Variants in RSPRY1 observed in about 807,000 individuals in gnomAD.
The protein encoded by RSPRY1 is RING finger and SPRY domain-containing protein 1.
Under a neutral mutation model 73.1 loss-of-function variants are expected in RSPRY1, and 23 were observed. The ratio of observed to expected loss-of-function variants is 0.31; its 90% CI spans 0.23 to 0.45. RSPRY1 has a LOEUF of 0.45. Among genes scored for constraint, RSPRY1 ranks in the 20% least tolerant of loss-of-function variants. The pLI is 1.00. For missense variants in RSPRY1, 448 were observed against 698.7 expected, an observed-to-expected ratio of 0.64 and a Z score of 4.05; for synonymous variants, 226 against 251.4, an observed-to-expected ratio of 0.90 and a Z score of 0.95.
chr16:57,200,050 C>T (rs564030527), intron 1 of RSPRY1, among the ~76,000 whole-genome samples: 21 of 146,842 alleles, frequency 1.4e-4, no homozygotes, highest in Non-Finnish European at 2.7e-4. Flanking sequence ...GAGGACCCTG[C>T]GGCCTTCCAC....
At chr16:57,224,009 T>G (rs1182532006) in intron 10 of RSPRY1, among the ~76,000 whole-genome samples, 1 of 152,196 alleles carries the variant, frequency 6.6e-6, no homozygotes, top group Non-Finnish European at 1.5e-5. Context: ...CTTCCCCTGT[T>G]GAAGCATCTG....
At chr16:57,224,724 A>G (rs1338823146) in intron 10 of RSPRY1, among the ~76,000 whole-genome samples, 2 of 152,216 alleles carry the variant, frequency 1.3e-5, no homozygotes, top group African/African-American at 4.8e-5. Flanking sequence ...AAATCTGTAG[A>G]TGCTGCTCTG....
intron 1 of RSPRY1, among the ~76,000 whole-genome samples, chr16:57,193,495 T>A (rs2074385528): frequency 6.6e-6 from 1 of 151,004 alleles, no homozygotes; most frequent in African/African-American, 2.4e-5. Flanking sequence ...TGCAGGCTTT[T>A]TTTTTTTTTT....
At chr16:57,190,256 C>G (rs2074330870) in intron 1 of RSPRY1, among the ~76,000 whole-genome samples, 1 of 152,124 alleles carries the variant, frequency 6.6e-6, no homozygotes, top group African/African-American at 2.4e-5. Flanking sequence ...ATAGTCCCAG[C>G]TACTTGGGAG....
chr16:57,209,169 A>C lies in RSPRY1; in HGVS notation c.498A>C (p.Glu166Asp). The C allele has an allele frequency of 6.2e-7, 1 of 1,606,466 alleles. No individual in the cohort carries two copies. The highest frequency in any genetic ancestry group is 1.1e-5 in the South Asian group (1 of 90,598). Reference sequence around the variant, plus strand: ...CTGTTATAACATTGTTACTAGATGAATGTCCATTGCCCACTAAAGTAAGTT... The same window carrying C: ...CTGTTATAACATTGTTACTAGATGACTGTCCATTGCCCACTAAAGTAAGTT... ...GPAVITLLLD[E>D]CPLPTKDALQ... Residue 166 changes from glutamate to aspartate, a missense_variant, in exon 4 of 15, where the codon GAA (glutamate) becomes GAC (aspartate). Transcript: ENST00000394420.
intron 1 of RSPRY1, chr16:57,187,158 C>CCA (rs1314326059): frequency 3.3e-5 from 5 of 152,116 alleles, no homozygotes; most frequent in Non-Finnish European, 7.3e-5. Flanking sequence ...GGAATTATTC[C>CCA]CTCTCTCTGT....
chr16:57,236,126 GAGGGTTTAGTTATC>G (rs1204292536), intron 14 of RSPRY1, among the ~76,000 whole-genome samples: 1 of 152,176 alleles, frequency 6.6e-6, no homozygotes, highest in East Asian at 1.9e-4. Flanking sequence ...AGCATATTTG[GAGGGTTTAGTTATC>G]AGGGCCTCAC....
At chr16:57,212,681 C>T (rs1348518120) in intron 4 of RSPRY1, among the ~76,000 whole-genome samples, 1 of 152,098 alleles carries the variant, frequency 6.6e-6, no homozygotes, top group Non-Finnish European at 1.5e-5. Flanking sequence ...GTGGCACGAT[C>T]TCGGCTCACT....
At chr16:57,230,683 C>T in intron 11 of RSPRY1, 28 bp from the exon 12 acceptor site, 1 of 1,255,776 alleles carries the variant, frequency 8.0e-7, no homozygotes, top group Non-Finnish European at 1.2e-6. Context: ...ACATCATTAT[C>T]CTAACAGTGT....
intron 11 of RSPRY1, among the ~76,000 whole-genome samples, chr16:57,229,519 T>C (rs562913695): frequency 5.2e-4 from 79 of 151,872 alleles, no homozygotes; most frequent in Non-Finnish European, 9.1e-4. Context: ...CTCAGGAGGC[T>C]GAAGCAGGAG....
chr16:57,226,311 T>G (rs2146346511), intron 10 of RSPRY1, among the ~76,000 whole-genome samples: 1 of 152,340 alleles, frequency 6.6e-6, no homozygotes, highest in African/African-American at 2.4e-5. Flanking sequence ...TTTTTGGACC[T>G]CGCGCAAGAA....
chr16:57,238,988 G>A lies in RSPRY1; in HGVS notation c.*13G>A. On this transcript the variant is annotated 3_prime_UTR_variant, in exon 15 of 15. Transcript: ENST00000394420. ...TCATATTTCATGACACATGTGAAGA[G>A]GCATCGTGGACTTTTTTCTACTCAA... 6.9e-7 allele frequency: 1 copy of A among 1,445,822 alleles called. No individual in the cohort carries two copies. The highest frequency in any genetic ancestry group is 9.6e-7 in the Non-Finnish European group (1 of 1,042,264). The allele number at this position is 1,445,822 out of a possible 1,614,324, so 89.6% of individuals were successfully genotyped here. A position where few individuals can be genotyped will look rare whatever the true frequency, so the allele number is the denominator to read the frequency against.
intron 11 of RSPRY1, among the ~76,000 whole-genome samples, chr16:57,230,005 C>CTT (rs544045998): frequency 0.028 from 1,246 of 44,756 alleles, 53 homozygotes; most frequent in African/African-American, 0.05. Flanking sequence ...ACGCCCTGCC[C>CTT]TTTTTTTTTT....
intron 1 of RSPRY1, among the ~76,000 whole-genome samples, chr16:57,192,184 C>T (rs2074362584): frequency 1.3e-5 from 2 of 152,140 alleles, no homozygotes. Flanking sequence ...TTAAAGTAGA[C>T]ATCATTAAGG....
chr16:57,230,096 C>T (rs1390239108), intron 11 of RSPRY1, among the ~76,000 whole-genome samples: 6 of 150,064 alleles, frequency 4.0e-5, no homozygotes, highest in Admixed American at 6.7e-5. Context: ...CTGCAACCTC[C>T]GCCTCCCGGA....
At chr16:57,198,383 CA>C (rs56031703) in intron 1 of RSPRY1, among the ~76,000 whole-genome samples, 10 of 143,378 alleles carry the variant, frequency 7.0e-5, no homozygotes, top group Admixed American at 6.9e-5. Flanking sequence ...GACTCCGTCT[CA>C]AAAAAAAAAA....
intron 11 of RSPRY1, among the ~76,000 whole-genome samples, chr16:57,230,168 A>C (rs1021969065): frequency 6.6e-6 from 1 of 150,952 alleles, no homozygotes; most frequent in South Asian, 2.1e-4. Context: ...CCACCACCAC[A>C]CCCAGCTAAT....
At chr16:57,236,935 G>C (rs1312737431) in intron 14 of RSPRY1, among the ~76,000 whole-genome samples, 1 of 152,106 alleles carries the variant, frequency 6.6e-6, no homozygotes, top group African/African-American at 2.4e-5. Flanking sequence ...GGGAGGCCAA[G>C]GCGGGTGGAT....
chr16:57,199,820 G>A (rs1032757789), intron 1 of RSPRY1, among the ~76,000 whole-genome samples: 18 of 138,042 alleles, frequency 1.3e-4, no homozygotes, highest in African/African-American at 3.8e-4. Context: ...TTCTAACAGC[G>A]CCTTATCAGT....
Sources: gnomAD v4.1 joint callset for allele counts (sites outside exome capture counted in the v4.1 genomes callset) on GRCh38, gnomAD v4.1.1 for gene constraint, MANE v1.5 for transcripts, NCBI Gene and HGNC (gene_info 2026-07-23, HGNC 2026-07-21) for gene names.